The following NALCN variants were observed in gnomAD, a reference collection of about 807,000 sequenced individuals.
NALCN encodes the protein sodium leak channel NALCN.
NALCN carries 111 observed loss-of-function variants against 225.3 expected under a neutral mutation model. That is an observed-to-expected ratio of 0.49 (90% confidence interval 0.42 to 0.58). The LOEUF (loss-of-function observed/expected upper bound fraction) is 0.58, where lower values mean the gene tolerates loss of function less well. Ranked by LOEUF, NALCN falls within the 20% of genes least tolerant of loss-of-function variation. The pLI is 0.00. For synonymous variants in NALCN, 764 were observed against 769.0 expected (o/e 0.99, Z 0.11); for missense variants, 1,378 against 2,202.4 (o/e 0.63, Z 7.49).
chr13:101,356,763 G>A (rs951454714), intron 6 of NALCN, among the ~76,000 whole-genome samples: 21 of 152,122 alleles, frequency 1.4e-4, no homozygotes, highest in African/African-American at 4.8e-4. Flanking sequence ...CAATATCCCT[G>A]ATGAACATCA....
intron 11 of NALCN, among the ~76,000 whole-genome samples, chr13:101,256,243 A>T (rs369200547): frequency 6.6e-6 from 1 of 152,262 alleles, no homozygotes; most frequent in African/African-American, 2.4e-5. Flanking sequence ...CTATTATTCC[A>T]TCACTTTGGT....
chr13:101,352,618 G>A (rs2045938295), intron 6 of NALCN, among the ~76,000 whole-genome samples: 1 of 152,130 alleles, frequency 6.6e-6, no homozygotes, highest in African/African-American at 2.4e-5. Context: ...TAGGGTAAAA[G>A]ACAAGGATTC....
chr13:101,095,569 C>A lies in NALCN; in HGVS notation c.3269+5G>T, dbSNP rs1253982748. On this transcript the variant is annotated splice_donor_5th_base_variant and intron_variant, in intron 28 of 43. Coordinates refer to ENST00000251127, the MANE Select transcript of NALCN (RefSeq NM_052867.4). ...CTTCAGAATATTTTTTTATGATATA[C>A]TTACCAAACACGGGGCACCCAAAAT... The A allele has an allele frequency of 8.7e-6, 14 of 1,608,404 alleles. No homozygotes were observed. Among genetic ancestry groups the A allele is most frequent in the Non-Finnish European group, 1.2e-5 (14 of 1,176,462 alleles).
chr13:101,151,161 A>G (rs1409859091), intron 15 of NALCN, among the ~76,000 whole-genome samples: 3 of 152,226 alleles, frequency 2.0e-5, no homozygotes, highest in Non-Finnish European at 4.4e-5. Context: ...CTGAGATATC[A>G]TTACACATCG....
At chr13:101,235,747 A>T (rs2041531253) in intron 12 of NALCN, among the ~76,000 whole-genome samples, 1 of 152,160 alleles carries the variant, frequency 6.6e-6, no homozygotes, top group Non-Finnish European at 1.5e-5. Context: ...CAATATGCTT[A>T]GCTGTGATTA....
At chr13:101,116,033 C>G (rs1273701843) in intron 18 of NALCN, among the ~76,000 whole-genome samples, 1 of 152,098 alleles carries the variant, frequency 6.6e-6, no homozygotes, top group Non-Finnish European at 1.5e-5. Flanking sequence ...TCCCTTTATT[C>G]CTGTTCCCTG....
In NALCN at chr13:101,061,985, G is replaced by A. The variant is rs1346832091; in HGVS notation, c.4738C>T (p.Leu1580=). 3.7e-6 allele frequency: 6 copies of A among 1,613,930 alleles called. No individual in the cohort carries two copies. The highest frequency in any genetic ancestry group is 5.1e-6 in the Non-Finnish European group (6 of 1,180,002). The part of the protein sequence containing the change: ...QTIRMWLKKC[L]KRIRAKQQQS... Reference sequence around the variant, plus strand: ...TCACTCACAGCTCTGATGCGCTTCAGGCACTTCTTGAGCCACATGCGGATG... The same window carrying A: ...TCACTCACAGCTCTGATGCGCTTCAAGCACTTCTTGAGCCACATGCGGATG... The change falls in exon 41 of 44, where the codon CTG becomes TTG. Residue 1580 remains leucine, a synonymous_variant. Coordinates refer to ENST00000251127, the MANE Select transcript of NALCN (RefSeq NM_052867.4).
intron 11 of NALCN, among the ~76,000 whole-genome samples, chr13:101,252,329 T>C (rs1232633205): frequency 1.3e-5 from 2 of 152,220 alleles, no homozygotes; most frequent in Non-Finnish European, 2.9e-5. Context: ...TGTGAAATCT[T>C]TGCAGAGAAA....
intron 14 of NALCN, 121 bp downstream of exon 14, chr13:101,191,796 C>T (rs1275105444): frequency 2.1e-6 from 2 of 934,134 alleles, no homozygotes; most frequent in Admixed American, 3.2e-5. Context: ...CTCATCCAAC[C>T]AGATTAGTCT....
At chr13:101,314,818 G>A (rs893765620) in intron 7 of NALCN, among the ~76,000 whole-genome samples, 4 of 152,162 alleles carry the variant, frequency 2.6e-5, no homozygotes, top group African/African-American at 9.7e-5. Context: ...AGGCAGGTGA[G>A]CAAAGCTTTG....
intron 15 of NALCN, among the ~76,000 whole-genome samples, chr13:101,153,438 T>G: frequency 6.6e-6 from 1 of 152,218 alleles, no homozygotes; most frequent in Admixed American, 6.5e-5. Flanking sequence ...CCCCAATTTC[T>G]TCTCGTTTGC....
At chr13:101,095,490 A>T in intron 28 of NALCN, 84 bp downstream of exon 28, 1 of 1,061,720 alleles carries the variant, frequency 9.4e-7, no homozygotes, top group Non-Finnish European at 1.4e-6. Context: ...AACTACTTTT[A>T]GTTACATGCC....
chr13:101,257,393 G>C (rs1387689142), intron 11 of NALCN, among the ~76,000 whole-genome samples: 1 of 152,026 alleles, frequency 6.6e-6, no homozygotes. Context: ...TGATATCCAC[G>C]TAGATGTCTA....
At chr13:101,178,043 C>T (rs2039033413) in intron 14 of NALCN, among the ~76,000 whole-genome samples, 1 of 152,100 alleles carries the variant, frequency 6.6e-6, no homozygotes. Flanking sequence ...GACTGGTACA[C>T]CACTGGTAAC....
intron 7 of NALCN, among the ~76,000 whole-genome samples, chr13:101,298,652 G>T (rs1339716189): frequency 1.3e-5 from 2 of 152,202 alleles, no homozygotes; most frequent in African/African-American, 2.4e-5. Flanking sequence ...AGAGAGCGAT[G>T]AATAGTTTAA....
At position 101,191,943 on chromosome 13, in the gene NALCN, T is replaced by C; in HGVS notation, c.1738A>G (p.Ile580Val). 6.2e-7 allele frequency: 1 copy of C among 1,609,938 alleles called. No homozygotes were observed. The highest frequency in any genetic ancestry group is 8.5e-7 in the Non-Finnish European group (1 of 1,178,286). ...AGAGTGGCAAAAAGATGATAGAGAATGAAATAGATGGCAACCACGGGTGCC... is the reference window on the plus strand; with the variant it reads ...AGAGTGGCAAAAAGATGATAGAGAACGAAATAGATGGCAACCACGGGTGCC... Reference protein sequence around the residue: ...MWAPVVAIYFILYHLFATLIL... With the variant: ...MWAPVVAIYFVLYHLFATLIL... The change falls in exon 14 of 44, where the codon ATT (isoleucine) becomes GTT (valine). Residue 580 changes from isoleucine (I) to valine (V), a missense_variant. Coordinates refer to ENST00000251127, the MANE Select transcript of NALCN (RefSeq NM_052867.4).
chr13:101,123,504 A>G (rs2036080526), intron 18 of NALCN, among the ~76,000 whole-genome samples: 1 of 152,172 alleles, frequency 6.6e-6, no homozygotes, highest in Non-Finnish European at 1.5e-5. Context: ...AGTCGGGAGT[A>G]AGCCTAAGTT....
At chr13:101,250,995 CA>C (rs558292799) in intron 11 of NALCN, among the ~76,000 whole-genome samples, 9 of 151,540 alleles carry the variant, frequency 5.9e-5, no homozygotes, top group African/African-American at 1.9e-4. Flanking sequence ...AAATCCTGAA[CA>C]AAAAAAAGTA....
chr13:101,190,265 T>C (rs1014089000), intron 14 of NALCN, among the ~76,000 whole-genome samples: 2 of 152,222 alleles, frequency 1.3e-5, no homozygotes, highest in Non-Finnish European at 2.9e-5. Flanking sequence ...CTGACATAGA[T>C]GATTTCAATG....
Sources: gnomAD v4.1 joint callset for allele counts (sites outside exome capture counted in the v4.1 genomes callset) on GRCh38, gnomAD v4.1.1 for gene constraint, MANE v1.5 for transcripts, NCBI Gene and HGNC (gene_info 2026-07-23, HGNC 2026-07-21) for gene names.